SYTL2: variants seen among roughly 807,000 people sequenced by gnomAD.
SYTL2 encodes synaptotagmin like 2, also known as synaptotagmin-like protein 2.
SYTL2 carries 165 observed loss-of-function variants against 198.7 expected under a neutral mutation model. The observed-to-expected ratio is 0.83, with a 90% CI of 0.73 to 0.94. The LOEUF is 0.94. SYTL2 is among the 40% of genes least tolerant of loss of function. The probability of loss-of-function intolerance (pLI) is 0.00; values close to 1 mark genes in which losing one functional copy is unlikely to be tolerated. For synonymous variants in SYTL2, 966 were observed against 917.7 expected (o/e 1.05, Z -0.95); for missense variants, 2,835 against 2,582.8 (o/e 1.10, Z -2.12).
chr11:85,824,471 T>A, the SYTL2 span, among the ~76,000 whole-genome samples: 1 of 152,182 alleles, frequency 6.6e-6, no homozygotes. Flanking sequence ...AGCCTGGGTA[T>A]GGTTTATAGA....
chr11:85,818,362 G>T, the SYTL2 span, among the ~76,000 whole-genome samples: 1 of 152,042 alleles, frequency 6.6e-6, no homozygotes, highest in Non-Finnish European at 1.5e-5. Flanking sequence ...ATTATATATG[G>T]TATATTGCTA....
chr11:85,849,105 T>A, the SYTL2 span, among the ~76,000 whole-genome samples: 2 of 152,236 alleles, frequency 1.3e-5, no homozygotes, highest in African/African-American at 4.8e-5. Context: ...ACAATCTCCT[T>A]CTTAAAGGTA....
the SYTL2 span, among the ~76,000 whole-genome samples, chr11:85,848,114 C>A: frequency 1.3e-5 from 2 of 152,084 alleles, no homozygotes; most frequent in Non-Finnish European, 2.9e-5. Flanking sequence ...GTGGCACGTG[C>A]CTGTGGTCCC....
chr11:85,724,044 T>C lies in SYTL2; in HGVS notation c.5314A>G (p.Arg1772Gly), dbSNP rs1044893237. 29 of 1,488,952 alleles carry C rather than the reference T, an allele frequency of 1.9e-5. No homozygotes were observed. The highest frequency in any genetic ancestry group is 2.3e-5 in the Non-Finnish European group (26 of 1,125,676). 92.2% of individuals were successfully genotyped at this position (1,488,952 alleles called of 1,614,324 possible). A position where few individuals can be genotyped will look rare whatever the true frequency, so the allele number is the denominator to read the frequency against. ...GNTSSNAESW[R>G]NPSSSEEEPS... Reference sequence around the variant, plus strand: ...TTTAAATGCTCACTGGAAGGATTTCTCCAGCTCTCTGCATTAGAACTGGTG... The same window carrying C: ...TTTAAATGCTCACTGGAAGGATTTCCCCAGCTCTCTGCATTAGAACTGGTG... The change falls in exon 8 of 20, where the codon AGA (arginine) becomes GGA (glycine). Residue 1772 changes from arginine to glycine, a missense_variant. Physicochemically the swap from Arg to Gly is moderately radical, Grantham distance 125. Around this residue, in one of 3 missense-constraint regions of SYTL2, gnomAD observed 2,645 missense variants for 2,381.7 expected, o/e 1.11. Transcript: ENST00000359152.
chr11:85,765,830 G>C (rs1370681075), intron 1 of SYTL2, among the ~76,000 whole-genome samples: 2 of 152,082 alleles, frequency 1.3e-5, no homozygotes, highest in Non-Finnish European at 2.9e-5. Flanking sequence ...TTTCTGAAAA[G>C]CTCATTTTCT....
rs753140290 is a variant in SYTL2 at position 85,733,953 on chromosome 11, G to A, written c.1376C>T (p.Pro459Leu). 6.2e-7 allele frequency: 1 copy of A among 1,613,856 alleles called. No homozygotes were observed. The highest frequency in any genetic ancestry group is 2.2e-5 in the East Asian group (1 of 44,878). The change falls in exon 7 of 20, where the codon CCC (proline) becomes CTC (leucine). Residue 459 changes from proline to leucine, a missense_variant. Around this residue, in one of 3 missense-constraint regions of SYTL2, gnomAD observed 2,645 missense variants for 2,381.7 expected, o/e 1.11. Coordinates refer to ENST00000359152, the MANE Select transcript of SYTL2 (RefSeq NM_206927.4). Reference sequence around the variant, plus strand: ...AACTCTCTTACCAGCAGGGCTTCTGGGTAATACAGATTCAAGCCTTGTTAA... The same window carrying A: ...AACTCTCTTACCAGCAGGGCTTCTGAGTAATACAGATTCAAGCCTTGTTAA... ...SELTRLESVLPRSPADELSHC... is the reference protein window; with the variant it reads ...SELTRLESVLLRSPADELSHC...
chr11:85,700,007 C>G (rs2084018521), intron 17 of SYTL2, among the ~76,000 whole-genome samples: 1 of 152,044 alleles, frequency 6.6e-6, no homozygotes, highest in Non-Finnish European at 1.5e-5. Context: ...AAATTCCAAA[C>G]ACAGGAATAC....
At chr11:85,715,129 A>G (rs1368762777) in intron 11 of SYTL2, 1 of 152,238 alleles carries the variant, frequency 6.6e-6, no homozygotes, top group Non-Finnish European at 1.5e-5. Context: ...CAAAGTTAGA[A>G]TGGTTAAAGT....
rs774720074 is a variant in SYTL2, at chr11:85,725,229, G to A, written c.4129C>T (p.Leu1377=). ...LNDVSAALQK[L]CGEVWLSYPA... ...TAACTTAACCATACTTCTCCACACA[G>A]CTTCTGTAATGCAGCACTTACATCA... is the stretch of plus-strand genomic sequence containing the variant. Residue 1377 remains leucine (L), a synonymous_variant, in exon 8 of 20, where the codon CTG becomes TTG. Coordinates refer to ENST00000359152, the MANE Select transcript of SYTL2 (RefSeq NM_206927.4). The A allele has an allele frequency of 1.2e-6, 2 of 1,614,046 alleles. No individual in the cohort carries two copies. Among genetic ancestry groups the A allele is most frequent in the East Asian group, 2.2e-5 (1 of 44,894 alleles).
At position 85,748,349 on chromosome 11, in the gene SYTL2, G is replaced by T; in HGVS notation, c.176C>A (p.Ala59Glu). 1 of 1,613,894 alleles carries T rather than the reference G, an allele frequency of 6.2e-7. No homozygotes were observed. Among genetic ancestry groups the T allele is most frequent in the Non-Finnish European group, 8.5e-7 (1 of 1,179,908 alleles). The change falls in exon 3 of 20, where the codon GCA (alanine) becomes GAA (glutamate). Residue 59 changes from alanine (A) to glutamate (E), a missense_variant. Transcript: ENST00000359152. The stretch of plus-strand genomic sequence containing the variant: ...ATGGATTTTGTCCCTGTGCCTTTTT[G>T]CCTTGGCTTCATAAAACCATTGGCC... The part of the protein sequence containing the change: ...MSGQWFYEAK[A>E]KRHRDKIHGA...
chr11:85,818,854 C>T, the SYTL2 span, among the ~76,000 whole-genome samples: 1 of 152,072 alleles, frequency 6.6e-6, no homozygotes, highest in Non-Finnish European at 1.5e-5. Flanking sequence ...CCATACCCAG[C>T]TAATATTTTG....
intron 1 of SYTL2, among the ~76,000 whole-genome samples, chr11:85,772,706 C>T (rs2092379885): frequency 6.6e-6 from 1 of 152,226 alleles, no homozygotes; most frequent in Admixed American, 6.5e-5. Context: ...TTACTTATAT[C>T]TCAGGCCAGC....
intron 1 of SYTL2, among the ~76,000 whole-genome samples, chr11:85,783,567 A>G (rs1157428679): frequency 1.3e-5 from 2 of 152,230 alleles, no homozygotes; most frequent in African/African-American, 4.8e-5. Flanking sequence ...TAAAAACAAT[A>G]AGACTATCAA....
At chr11:85,730,677 C>T (rs1275305662) in intron 7 of SYTL2, among the ~76,000 whole-genome samples, 1 of 152,092 alleles carries the variant, frequency 6.6e-6, no homozygotes, top group Non-Finnish European at 1.5e-5. Flanking sequence ...TCTTTGAAAA[C>T]TGGCACAAGA....
chr11:85,734,010 G>T lies in SYTL2; in HGVS notation c.1319C>A (p.Thr440Asn). The change falls in exon 7 of 20, where the codon ACC becomes AAC. Residue 440 changes from threonine (T) to asparagine (N), a missense_variant. Coordinates refer to ENST00000359152, the MANE Select transcript of SYTL2 (RefSeq NM_206927.4). ...ARPQSMENSP[T>N]INEPKDKSSE... ...TGATTTATCTTTGGGTTCATTGATG[G>T]TTGGTGAATTCTCCATAGACTGTGG... 2 of 1,614,084 alleles carry T rather than the reference G, an allele frequency of 1.2e-6. No homozygotes were observed. Among genetic ancestry groups the T allele is most frequent in the African/African-American group, 1.3e-5 (1 of 75,042 alleles).
Position 85,707,512 on chromosome 11 carries a change from G to A in SYTL2, c.5935C>T (p.Leu1979=), listed in dbSNP as rs908074692. ...TTGCCCATTTTGCCTTTGTCTGGTA[G>A]CAAATAGGCCTTTACATATCTGAAA... ...RSDPYVKAYL[L]PDKGKMGKKK... is the part of the protein sequence containing the mutation. The change falls in exon 15 of 20, where the codon CTA becomes TTA. Residue 1979 remains leucine, a synonymous_variant. Coordinates refer to ENST00000359152, the MANE Select transcript of SYTL2 (RefSeq NM_206927.4). 6.2e-7 allele frequency: 1 copy of A among 1,611,952 alleles called. No homozygotes were observed. The highest frequency in any genetic ancestry group is 8.5e-7 in the Non-Finnish European group (1 of 1,178,410).
the SYTL2 span, among the ~76,000 whole-genome samples, chr11:85,833,883 C>T: frequency 6.6e-6 from 1 of 151,932 alleles, no homozygotes. Context: ...GGATTACAAG[C>T]ATACGTCACC....
chr11:85,815,567 C>G (rs929647158), upstream of SYTL2, among the ~76,000 whole-genome samples: 5 of 152,172 alleles, frequency 3.3e-5, no homozygotes, highest in African/African-American at 1.2e-4. Context: ...TTTTTCAAAG[C>G]CCTTTCACTT....
chr11:85,850,785 G>A, the SYTL2 span, among the ~76,000 whole-genome samples: 816 of 148,068 alleles, frequency 5.5e-3, 2 homozygotes, highest in Middle Eastern at 0.014. Flanking sequence ...CCAAATGTCC[G>A]ACAATGATAG....
Sources: gnomAD v4.1 joint callset for allele counts (sites outside exome capture counted in the v4.1 genomes callset) on GRCh38, gnomAD v4.1.1 for gene constraint, gnomAD v4.1.1 regional missense constraint, MANE v1.5 for transcripts, NCBI Gene and HGNC (gene_info 2026-07-23, HGNC 2026-07-21) for gene names.